AIM2: variants seen among roughly 807,000 people sequenced by gnomAD.
AIM2 encodes the protein absent in melanoma 2.
AIM2 carries 30 observed loss-of-function variants against 27.7 expected under a neutral mutation model. That is an observed-to-expected ratio of 1.08 (90% CI 0.81 to 1.47). AIM2 has a LOEUF of 1.47. AIM2 is among the 40% of genes most tolerant of loss of function. The pLI, the probability that AIM2 is intolerant of heterozygous loss-of-function variation, is 0.00. For missense variants in AIM2, 358 were observed against 411.3 expected, an observed-to-expected ratio of 0.87 and a Z score of 1.12; for synonymous variants, 141 against 145.3, an observed-to-expected ratio of 0.97 and a Z score of 0.21.
At chr1:159,130,834 ACACACACACG>A (rs1323428396) in intron 1 of AIM2, among the ~76,000 whole-genome samples, 70 of 129,618 alleles carry the variant, frequency 5.4e-4, no homozygotes, top group Non-Finnish European at 6.2e-4. Context: ...ACACACACAC[ACACACACACG>A]CACGCACTCT....
At position 159,125,487 on chromosome 1, in the gene AIM2, T is replaced by A. The variant is rs1388227087; in HGVS notation, c.-16+14944A>T. 3.9e-5 allele frequency among the ~76,000 whole-genome samples: 6 copies of A among 152,318 alleles called. No individual in the cohort carries two copies. In the East Asian group the frequency reaches 9.6e-4, roughly 24 times the overall value. On this transcript the variant is annotated intron_variant, in intron 1 of 2. Transcript: ENST00000368129. Reference sequence around the variant, plus strand: ...TAATCTAAAGCTGAGACAGGGTAAGTCACTTGTTAAGCGCCACATGGTTAT... The same window carrying A: ...TAATCTAAAGCTGAGACAGGGTAAGACACTTGTTAAGCGCCACATGGTTAT...
At chr1:159,110,247 G>A (rs933578058) in intron 1 of AIM2, among the ~76,000 whole-genome samples, 7 of 152,244 alleles carry the variant, frequency 4.6e-5, no homozygotes, top group Admixed American at 2.6e-4. Context: ...TGAATTAATG[G>A]CATTCACAGC....
At chr1:159,115,415 G>A (rs555687715) in intron 1 of AIM2, among the ~76,000 whole-genome samples, 326 of 152,234 alleles carry the variant, frequency 2.1e-3, no homozygotes, top group Middle Eastern at 0.01. Context: ...GAGGCATCAC[G>A]CTACCTGACT....
At chr1:159,082,326 T>A (rs1423794448) in intron 1 of AIM2, among the ~76,000 whole-genome samples, 2 of 152,206 alleles carry the variant, frequency 1.3e-5, no homozygotes, top group Non-Finnish European at 2.9e-5. Flanking sequence ...TGTTTGGGCC[T>A]CTATAACAAA....
intron 1 of AIM2, among the ~76,000 whole-genome samples, chr1:159,134,594 G>A (rs1298626156): frequency 1.3e-5 from 2 of 152,222 alleles, no homozygotes; most frequent in East Asian, 1.9e-4. Context: ...CACTTTGGGA[G>A]GCGGAGGCGG....
chr1:159,065,171 C>T (rs374619313), intron 4 of AIM2, among the ~76,000 whole-genome samples: 171 of 152,180 alleles, frequency 1.1e-3, no homozygotes, highest in African/African-American at 3.9e-3. Context: ...TAGGTCCTGC[C>T]CTAGACCAGA....
intron 1 of AIM2, among the ~76,000 whole-genome samples, chr1:159,074,632 G>C (rs1349313160): frequency 6.6e-6 from 1 of 151,970 alleles, no homozygotes; most frequent in Non-Finnish European, 1.5e-5. Context: ...TAATTCAACA[G>C]TTTATAACTA....
At chr1:159,092,328 A>T (rs1657067676) in intron 1 of AIM2, among the ~76,000 whole-genome samples, 1 of 152,226 alleles carries the variant, frequency 6.6e-6, no homozygotes, top group Non-Finnish European at 1.5e-5. Context: ...TTATAAATAT[A>T]TATATGCAGC....
At chr1:159,106,292 G>A (rs766707410) in intron 1 of AIM2, among the ~76,000 whole-genome samples, 36 of 152,206 alleles carry the variant, frequency 2.4e-4, no homozygotes, top group Non-Finnish European at 4.4e-4. Context: ...CAGGCTCTGT[G>A]GAGCACATAG....
chr1:159,083,125 T>C (rs1210865641), intron 1 of AIM2, among the ~76,000 whole-genome samples: 1 of 152,190 alleles, frequency 6.6e-6, no homozygotes, highest in East Asian at 1.9e-4. Flanking sequence ...AGAAGGAATC[T>C]AAACATACTA....
chr1:159,064,789 C>T (rs1172171513), intron 4 of AIM2, among the ~76,000 whole-genome samples: 1 of 152,042 alleles, frequency 6.6e-6, no homozygotes, highest in African/African-American at 2.4e-5. Flanking sequence ...TAAAACAAGT[C>T]CAGGAGAGAC....
chr1:159,069,183 G>A (rs2101976628), intron 2 of AIM2, among the ~76,000 whole-genome samples: 1 of 151,546 alleles, frequency 6.6e-6, no homozygotes, highest in Non-Finnish European at 1.5e-5. Context: ...CTATGAAGTA[G>A]TAGTCGTCTT....
At chr1:159,115,159 A>G (rs530469016) in intron 1 of AIM2, among the ~76,000 whole-genome samples, 12 of 152,304 alleles carry the variant, frequency 7.9e-5, no homozygotes, top group African/African-American at 2.9e-4. Flanking sequence ...GAGAACTACA[A>G]ACCACTGCTC....
At chr1:159,120,256 T>C (rs572516002) in intron 1 of AIM2, among the ~76,000 whole-genome samples, 7 of 152,282 alleles carry the variant, frequency 4.6e-5, no homozygotes, top group East Asian at 1.9e-4. Context: ...TCCTGAAAAA[T>C]TGTGCCACCA....
At chr1:159,138,021 T>C (rs1325108715) in intron 1 of AIM2, among the ~76,000 whole-genome samples, 1 of 152,212 alleles carries the variant, frequency 6.6e-6, no homozygotes, top group Non-Finnish European at 1.5e-5. Context: ...TTATTATAAG[T>C]TTATTTCTTT....
chr1:159,117,930 T>C (rs1647421825), intron 1 of AIM2, among the ~76,000 whole-genome samples: 1 of 152,330 alleles, frequency 6.6e-6, no homozygotes, highest in Admixed American at 6.5e-5. Context: ...CAAAATTGTA[T>C]GTATGTTTGT....
intron 1 of AIM2, among the ~76,000 whole-genome samples, chr1:159,097,681 T>C (rs543388970): frequency 4.0e-4 from 61 of 152,200 alleles, no homozygotes; most frequent in Non-Finnish European, 7.6e-4. Context: ...TTTCCTTATC[T>C]GTCAAATGGA....
chr1:159,134,884 T>C (rs1374016947), intron 1 of AIM2, among the ~76,000 whole-genome samples: 1 of 152,190 alleles, frequency 6.6e-6, no homozygotes, highest in Non-Finnish European at 1.5e-5. Context: ...TCCCTCCCTC[T>C]ACAAAAGCTT....
intron 1 of AIM2, among the ~76,000 whole-genome samples, chr1:159,082,838 G>A (rs192983446): frequency 2.0e-5 from 3 of 152,278 alleles, no homozygotes; most frequent in African/African-American, 7.2e-5. Flanking sequence ...ATGGTGACCA[G>A]AAGCCCTTGA....
Sources: allele counts gnomAD v4.1 joint callset (sites outside exome capture counted in the v4.1 genomes callset), GRCh38; gene constraint gnomAD v4.1.1; transcripts MANE v1.5; gene names NCBI Gene and HGNC (gene_info 2026-07-23, HGNC 2026-07-21).